ACVR1C: variants seen among roughly 807,000 people sequenced by gnomAD.
ACVR1C encodes activin receptor type-1C.
Under a neutral mutation model 57.9 loss-of-function variants are expected in ACVR1C, and 23 were observed. The observed-to-expected ratio is 0.40, with a 90% CI of 0.29 to 0.56. ACVR1C has a LOEUF of 0.56. Among genes scored for constraint, ACVR1C ranks in the 20% least tolerant of loss-of-function variants. The pLI is 0.50. For synonymous variants in ACVR1C, 214 were observed against 215.3 expected (o/e 0.99, Z 0.05); for missense variants, 480 against 607.9 (o/e 0.79, Z 2.21).
intron 1 of ACVR1C, among the ~76,000 whole-genome samples, chr2:157,595,491 G>C (rs1193195878): frequency 6.6e-6 from 1 of 152,142 alleles, no homozygotes; most frequent in African/African-American, 2.4e-5. Context: ...CATTTCCTCT[G>C]CTAATCACAT....
intron 3 of ACVR1C, among the ~76,000 whole-genome samples, chr2:157,555,362 A>G (rs1013070707): frequency 6.8e-6 from 1 of 147,478 alleles, no homozygotes; most frequent in Non-Finnish European, 1.5e-5. Context: ...CTCATGATCC[A>G]CCCGCCTCGG....
intron 1 of ACVR1C, among the ~76,000 whole-genome samples, chr2:157,599,178 C>G (rs537906884): frequency 6.6e-6 from 1 of 151,688 alleles, no homozygotes; most frequent in South Asian, 2.1e-4. Context: ...ACTAAAAATA[C>G]CAAAAATTAG....
Position 157,628,740 on chromosome 2 carries a change from G to T in ACVR1C, c.-96C>A. The T allele has an allele frequency of 8.9e-7, 1 of 1,122,528 alleles. No homozygotes were observed. The highest frequency in any genetic ancestry group is 1.2e-6 in the Non-Finnish European group (1 of 828,864). The allele number at this position is 1,122,528 out of a possible 1,614,324, so 69.5% of individuals were successfully genotyped here. On this transcript the variant is annotated 5_prime_UTR_variant, in exon 1 of 9. Transcript: ENST00000243349. Reference sequence around the variant, plus strand: ...GCTTTGAAGTTCCCGGGCCGCGGGAGGGGAGCGCGGCACCGACACCCTTTT... The same window carrying T: ...GCTTTGAAGTTCCCGGGCCGCGGGATGGGAGCGCGGCACCGACACCCTTTT...
intron 1 of ACVR1C, among the ~76,000 whole-genome samples, chr2:157,595,175 G>T (rs1374890557): frequency 2.0e-5 from 3 of 152,214 alleles, no homozygotes; most frequent in Non-Finnish European, 4.4e-5. Context: ...TATTTGTGTG[G>T]ATTCTCTTAA....
At chr2:157,561,442 T>G (rs760015840) in intron 2 of ACVR1C, among the ~76,000 whole-genome samples, 2 of 152,224 alleles carry the variant, frequency 1.3e-5, no homozygotes, top group Admixed American at 6.5e-5. Flanking sequence ...ATTCCACCAC[T>G]GTCAACTGAA....
At chr2:157,603,055 G>A (rs1013516773) in intron 1 of ACVR1C, among the ~76,000 whole-genome samples, 3 of 152,138 alleles carry the variant, frequency 2.0e-5, no homozygotes, top group African/African-American at 7.2e-5. Flanking sequence ...ACACCCACAG[G>A]TTTGACTGCC....
chr2:157,628,435 A>T, intron 1 of ACVR1C, 137 bp downstream of exon 1: 1 of 1,033,222 alleles, frequency 9.7e-7, no homozygotes, highest in Non-Finnish European at 1.4e-6. Context: ...CGCCCCCTCA[A>T]TCCGACTGGC....
At chr2:157,538,538 T>A in intron 8 of ACVR1C, 35 bp downstream of exon 8, 4 of 1,505,574 alleles carry the variant, frequency 2.7e-6, no homozygotes, top group Non-Finnish European at 3.5e-6. Flanking sequence ...CTCAAAAATA[T>A]AATAAGAAAA....
At chr2:157,557,331 C>T (rs1418076390) in intron 2 of ACVR1C, among the ~76,000 whole-genome samples, 3 of 152,148 alleles carry the variant, frequency 2.0e-5, no homozygotes, top group Admixed American at 2.0e-4. Context: ...ACTAGAGAAG[C>T]AAGAATAAAA....
At chr2:157,554,730 G>A (rs1688050613) in intron 3 of ACVR1C, among the ~76,000 whole-genome samples, 1 of 152,172 alleles carries the variant, frequency 6.6e-6, no homozygotes, top group Admixed American at 6.5e-5. Context: ...GCCTACCTCT[G>A]TTAATTGTTA....
chr2:157,557,606 T>C (rs1688135230), intron 2 of ACVR1C, among the ~76,000 whole-genome samples: 1 of 152,166 alleles, frequency 6.6e-6, no homozygotes, highest in Non-Finnish European at 1.5e-5. Context: ...GTCCAGTGTT[T>C]ACAATGATGC....
Position 157,533,879 on chromosome 2 carries a change from A to C in ACVR1C, c.*39T>G. 1 of 1,494,874 alleles carries C rather than the reference A, an allele frequency of 6.7e-7. No individual in the cohort carries two copies. The highest frequency in any genetic ancestry group is 8.9e-7 in the Non-Finnish European group (1 of 1,125,590). 92.6% of individuals were successfully genotyped at this position (1,494,874 alleles called of 1,614,324 possible). A position where few individuals can be genotyped will look rare whatever the true frequency, so the allele number is the denominator to read the frequency against. ...TCACATAAAGGGGAAAATGGAAAAG[A>C]AAGCTATGAGAGATTTCTTTTTAAC... is the stretch of plus-strand genomic sequence containing the variant. On this transcript the variant is annotated 3_prime_UTR_variant, in exon 9 of 9. Transcript: ENST00000243349.
chr2:157,544,467 A>G lies in ACVR1C; in HGVS notation c.921T>C (p.His307=). 1 of 1,613,394 alleles carries G rather than the reference A, an allele frequency of 6.2e-7. No individual in the cohort carries two copies. Among genetic ancestry groups the G allele is most frequent in the Non-Finnish European group, 8.5e-7 (1 of 1,179,700 alleles). ...LSIASGLAHL[H]MEIVGTQGKP... ...TACCTTGTGTACCAACAATCTCCATATGAAGGTGTGCCAGACCACTAGCAA... is the reference window on the plus strand; with the variant it reads ...TACCTTGTGTACCAACAATCTCCATGTGAAGGTGTGCCAGACCACTAGCAA... Residue 307 remains histidine, a synonymous_variant, in exon 5 of 9, where the codon CAT becomes CAC. Transcript: ENST00000243349.
chr2:157,531,411 C>T lies in ACVR1C; in HGVS notation c.*2507G>A, dbSNP rs878909023. 8 of 151,868 alleles carry T rather than the reference C, an allele frequency of 5.3e-5. No homozygotes were observed. The highest frequency in any genetic ancestry group is 9.7e-5 in the African/African-American group (4 of 41,376). The allele number at this position is 151,868 out of a possible 1,614,324, so 9.4% of individuals were successfully genotyped here. On this transcript the variant is annotated 3_prime_UTR_variant, in exon 9 of 9. Transcript: ENST00000243349. ...AAATACCTCAAAATGTACTAACATA[C>T]GGATTTCTTCAGAGTGAAAGTTGAA...
intron 1 of ACVR1C, among the ~76,000 whole-genome samples, chr2:157,624,173 C>A (rs1385773930): frequency 6.6e-6 from 1 of 152,148 alleles, no homozygotes; most frequent in African/African-American, 2.4e-5. Flanking sequence ...AGAGCAGGAA[C>A]TAAACAGCTT....
chr2:157,575,122 C>T (rs373592685), intron 2 of ACVR1C, among the ~76,000 whole-genome samples: 8 of 150,078 alleles, frequency 5.3e-5, no homozygotes, highest in African/African-American at 9.9e-5. Flanking sequence ...CCACCATACC[C>T]GGCAAGTTCT....
chr2:157,587,082 C>G (rs1688940576), intron 2 of ACVR1C, 105 bp downstream of exon 2: 2 of 1,070,256 alleles, frequency 1.9e-6, no homozygotes, highest in South Asian at 3.3e-5. Context: ...AACTGTAAAA[C>G]AGATTTTCCT....
At chr2:157,554,211 G>GA (rs1436444710) in intron 3 of ACVR1C, among the ~76,000 whole-genome samples, 2 of 68,322 alleles carry the variant, frequency 2.9e-5, no homozygotes, top group South Asian at 4.2e-4. Flanking sequence ...GAGAAAGAAA[G>GA]AAAGAAAGAA....
chr2:157,550,734 C>CAAA (rs61211065), intron 3 of ACVR1C, among the ~76,000 whole-genome samples: 16 of 138,626 alleles, frequency 1.2e-4, no homozygotes, highest in Non-Finnish European at 1.8e-4. Flanking sequence ...AGAGTAAAAG[C>CAAA]AAAAAAAAAA....
Sources: allele counts gnomAD v4.1 joint callset (sites outside exome capture counted in the v4.1 genomes callset), GRCh38; gene constraint gnomAD v4.1.1; transcripts MANE v1.5; gene names NCBI Gene and HGNC (gene_info 2026-07-23, HGNC 2026-07-21).